Variants in ZBTB48 observed in about 807,000 individuals in gnomAD.
ZBTB48 encodes zinc finger and BTB domain-containing protein 48.
Under a neutral mutation model 64.5 loss-of-function variants are expected in ZBTB48, and 35 were observed. The ratio of observed to expected loss-of-function variants is 0.54; its 90% CI spans 0.41 to 0.72. ZBTB48 has a LOEUF of 0.72. Ranked by LOEUF, ZBTB48 falls within the 30% of genes least tolerant of loss-of-function variation. ZBTB48 has a pLI of 0.00. For synonymous variants in ZBTB48, 442 were observed against 356.7 expected (o/e 1.24, Z -2.70); for missense variants, 828 against 895.3 (o/e 0.92, Z 0.96).
At position 6,580,536 on chromosome 1, in the gene ZBTB48, T is replaced by C; in HGVS notation, c.-69-5T>C. ...CAACTTCCCGTTTCTCTCTCTTGAC[T>C]CCAGGAGCTTTCTCTTGCATACCCT... On this transcript the variant is annotated splice_polypyrimidine_tract_variant and splice_region_variant and intron_variant, in intron 1 of 10. Coordinates refer to ENST00000377674, the MANE Select transcript of ZBTB48 (RefSeq NM_005341.4). This position sits in a 1 kb window ranked among gnomAD's most constrained non-coding sequence, Gnocchi z 5.2. 1.3e-6 allele frequency: 2 copies of C among 1,484,060 alleles called. No individual in the cohort carries two copies. Among genetic ancestry groups the C allele is most frequent in the Non-Finnish European group, 1.8e-6 (2 of 1,095,610 alleles). 91.9% of individuals were successfully genotyped at this position (1,484,060 alleles called of 1,614,324 possible).
chr1:6,582,306 G>T lies in ZBTB48; in HGVS notation c.932+7G>T. The T allele has an allele frequency of 1.2e-6, 2 of 1,602,794 alleles. No individual in the cohort carries two copies. The highest frequency in any genetic ancestry group is 3.3e-4 in the Middle Eastern group (2 of 6,036). On this transcript the variant is annotated splice_region_variant and intron_variant, in intron 3 of 10. Coordinates refer to ENST00000377674, the MANE Select transcript of ZBTB48 (RefSeq NM_005341.4). ...ATCTAAAAGTCCACAACAGGTAAAC[G>T]TTCTGTTTTTCTATTTTCTTTTCCT...
rs773070430 is a variant in ZBTB48, at chr1:6,580,570, C to G, written c.-40C>G. 6.3e-7 allele frequency: 1 copy of G among 1,579,688 alleles called. No homozygotes were observed. The highest frequency in any genetic ancestry group is 1.1e-5 in the South Asian group (1 of 87,574). ...TTTCTCTTGCATACCCTCGCTTAGG[C>G]TGGCCGGGGTGTCACTTCTGCCTCC... On this transcript the variant is annotated 5_prime_UTR_variant, in exon 2 of 11. Coordinates refer to ENST00000377674, the MANE Select transcript of ZBTB48 (RefSeq NM_005341.4). The surrounding 1 kb of genome is among the most constrained non-coding windows in gnomAD (Gnocchi z 5.2).
In ZBTB48 at chr1:6,588,348, C is replaced by T; in HGVS notation, c.1587C>T (p.Arg529=). The T allele has an allele frequency of 1.2e-5, 19 of 1,606,264 alleles. No homozygotes were observed. The highest frequency in any genetic ancestry group is 1.6e-5 in the Non-Finnish European group (19 of 1,174,286). ...TCAGTTGCGAGTTCTGTGAACAGCG[C>T]TTCACTGAGAAGGGGCCCCTCCTGA... ...RPFSCEFCEQ[R]FTEKGPLLRH... Residue 529 remains arginine, a synonymous_variant, in exon 9 of 11, where the codon CGC becomes CGT. Coordinates refer to ENST00000377674, the MANE Select transcript of ZBTB48 (RefSeq NM_005341.4).
At position 6,580,384 on chromosome 1, in the gene ZBTB48, C is replaced by A. The variant is rs1389167793; in HGVS notation, c.-69-157C>A. Reference sequence around the variant, plus strand: ...ACGACCCTGGCCCCCCATCCAGCATCCCCCCTGGCCAATCCAATATGGCCC... The same window carrying A: ...ACGACCCTGGCCCCCCATCCAGCATACCCCCTGGCCAATCCAATATGGCCC... On this transcript the variant is annotated intron_variant, in intron 1 of 10. Transcript: ENST00000377674. The surrounding 1 kb of genome is among the most constrained non-coding windows in gnomAD (Gnocchi z 5.2). 6.6e-6 allele frequency among the ~76,000 whole-genome samples: 1 copy of A among 152,122 alleles called. No individual in the cohort carries two copies. Among genetic ancestry groups the A allele is most frequent in the Non-Finnish European group, 1.5e-5 (1 of 68,020 alleles).
At position 6,586,780 on chromosome 1, in the gene ZBTB48, C is replaced by G; in HGVS notation, c.1130C>G (p.Pro377Arg). ...VHMVSHTGEMPYKCSSCSQQF... is the reference protein window; with the variant it reads ...VHMVSHTGEMRYKCSSCSQQF... The stretch of plus-strand genomic sequence containing the variant: ...ATGGTGTCTCACACAGGGGAGATGC[C>G]CTACAAGGTCAGGCTTGGCCTGTCT... Residue 377 changes from proline (P) to arginine (R), a missense_variant, in exon 5 of 11, where the codon CCC (proline) becomes CGC (arginine). Coordinates refer to ENST00000377674, the MANE Select transcript of ZBTB48 (RefSeq NM_005341.4). 1 of 1,609,026 alleles carries G rather than the reference C, an allele frequency of 6.2e-7. No homozygotes were observed. Among genetic ancestry groups the G allele is most frequent in the Non-Finnish European group, 8.5e-7 (1 of 1,177,524 alleles).
chr1:6,586,573 C>A, intron 4 of ZBTB48, 122 bp from the exon 5 acceptor site: 1 of 1,373,282 alleles, frequency 7.3e-7, no homozygotes, highest in Non-Finnish European at 9.4e-7. Context: ...CTCTCCCACC[C>A]TAGCGTCCCC....
Position 6,588,392 on chromosome 1 carries a change from A to T in ZBTB48, c.1631A>T (p.His544Leu). The T allele has an allele frequency of 6.3e-7, 1 of 1,587,442 alleles. No individual in the cohort carries two copies. The highest frequency in any genetic ancestry group is 2.3e-5 in the East Asian group (1 of 44,306). The part of the protein sequence containing the change: ...GPLLRHVASR[H>L]QEGRPHFCQI... ...CTCCTGAGGCACGTGGCCAGCCGCC[A>T]TCAGGAGGGCCGGCCCCACTTCTGC... Residue 544 changes from histidine to leucine, a missense_variant, in exon 9 of 11, where the codon CAT becomes CTT. His to Leu is a moderately conservative substitution (Grantham distance 99). Transcript: ENST00000377674.
chr1:6,587,107 G>C (rs764688236), intron 5 of ZBTB48, 98 bp from the exon 6 acceptor site: 1 of 1,309,644 alleles, frequency 7.6e-7, no homozygotes, highest in South Asian at 1.2e-5. Context: ...TCATCTCACC[G>C]GGGCCTCCCT....
chr1:6,584,971 T>C lies in ZBTB48; in HGVS notation c.933-948T>C, dbSNP rs899465897. On this transcript the variant is annotated intron_variant, in intron 3 of 10. Coordinates refer to ENST00000377674, the MANE Select transcript of ZBTB48 (RefSeq NM_005341.4). The surrounding 1 kb of genome is among the most constrained non-coding windows in gnomAD (Gnocchi z 4.5). ...TTTAAGGGAACTAAACAAAGGTGCTTGTGCAGCCGACCTGCTTGCCAGGCA... is the reference window on the plus strand; with the variant it reads ...TTTAAGGGAACTAAACAAAGGTGCTCGTGCAGCCGACCTGCTTGCCAGGCA... Among the ~76,000 whole-genome samples the C allele has an allele frequency of 6.6e-6, 1 of 152,038 alleles. No homozygotes were observed. The highest frequency in any genetic ancestry group is 2.4e-5 in the African/African-American group (1 of 41,394).
Position 6,585,952 on chromosome 1 carries a change from C to T in ZBTB48, c.966C>T (p.Pro322=). ...CTGGGGAGAAACCCTTTGAGTGTCC[C>T]AAATGTGGGAAGTGTTACTTTCGGA... The part of the protein sequence containing the change: ...KHTGEKPFEC[P]KCGKCYFRKE... Residue 322 remains proline, a synonymous_variant, in exon 4 of 11, where the codon CCC becomes CCT. Coordinates refer to ENST00000377674, the MANE Select transcript of ZBTB48 (RefSeq NM_005341.4). The T allele has an allele frequency of 6.2e-7, 1 of 1,614,078 alleles. No individual in the cohort carries two copies. The highest frequency in any genetic ancestry group is 8.5e-7 in the Non-Finnish European group (1 of 1,179,978).
chr1:6,586,916 TCCC>T, intron 5 of ZBTB48, 129 bp downstream of exon 5: 1 of 1,081,416 alleles, frequency 9.2e-7, no homozygotes, highest in Non-Finnish European at 1.4e-6. Context: ...TTCCCTGCCT[TCCC>T]TGCCTTTCCA....
chr1:6,584,472 T>C lies in ZBTB48; in HGVS notation c.933-1447T>C, dbSNP rs1001155888. 6.6e-6 allele frequency among the ~76,000 whole-genome samples: 1 copy of C among 152,200 alleles called. No individual in the cohort carries two copies. The highest frequency in any genetic ancestry group is 2.1e-4 in the South Asian group (1 of 4,832). On this transcript the variant is annotated intron_variant, in intron 3 of 10. Transcript: ENST00000377674. This position sits in a 1 kb window ranked among gnomAD's most constrained non-coding sequence, Gnocchi z 4.5. ...TCCCAGCCAAGACATCACTAGTCTA[T>C]CATGGTGTGTTTTCTTGCCATGCCA...
rs36102416 is a variant in ZBTB48, at chr1:6,583,776, CTT to C, written c.932+1496_932+1497del. Among the ~76,000 whole-genome samples the C allele has an allele frequency of 3.6e-3, 306 of 85,862 alleles. 5 individuals are homozygous for C. In the Middle Eastern group the frequency reaches 0.04, roughly 11 times the overall value. 56.3% of individuals were successfully genotyped at this position (85,862 alleles called of 152,430 possible). On this transcript the variant is annotated intron_variant, in intron 3 of 10. Transcript: ENST00000377674. ...CCACTACGCCCAGCTAATTGTTTTA[CTT>C]TTTTTTTTTTTTTTTTTTGAGATGG... is the stretch of plus-strand genomic sequence containing the variant.
chr1:6,587,014 A>G, intron 5 of ZBTB48, 191 bp from the exon 6 acceptor site: 4 of 852,652 alleles, frequency 4.7e-6, no homozygotes, highest in Non-Finnish European at 7.8e-6. Context: ...CATGGAGGAC[A>G]GGCTTGGCAT....
In ZBTB48 at chr1:6,588,278, C is replaced by T; in HGVS notation, c.1517C>T (p.Ala506Val). The T allele has an allele frequency of 1.2e-6, 2 of 1,607,752 alleles. No homozygotes were observed. Among genetic ancestry groups the T allele is most frequent in the Non-Finnish European group, 1.7e-6 (2 of 1,175,330 alleles). The change falls in exon 9 of 11, where the codon GCC (alanine) becomes GTC (valine). Residue 506 changes from alanine (A) to valine (V), a missense_variant and splice_region_variant. By Grantham distance (64) the Ala-to-Val change is moderately conservative. Transcript: ENST00000377674. ...CTGAGCTCTTGCCTTGTGCCTGCAG[C>T]CAGCCTGGACAAGCACAACCGCACC... ...HLCGKTFRTQ[A>V]SLDKHNRTHT... is the part of the protein sequence containing the mutation.
At chr1:6,587,806 A>G (rs1640730486) in intron 7 of ZBTB48, among the ~76,000 whole-genome samples, 174 bp downstream of exon 7, 1 of 152,196 alleles carries the variant, frequency 6.6e-6, no homozygotes, top group Non-Finnish European at 1.5e-5. Context: ...GCAAGCAGCT[A>G]TGCCAGGCAG....
At chr1:6,585,464 G>A (rs1270685640) in intron 3 of ZBTB48, 1 of 184,944 alleles carries the variant, frequency 5.4e-6, no homozygotes, top group African/African-American at 2.3e-5. Context: ...ACTGAAACCT[G>A]TGGGGGAGGC....
rs770152210 is a variant in ZBTB48, at chr1:6,582,184, G to T, written c.817G>T (p.Ala273Ser). ...KPCAAEPALS[A>S]GSLAAEPAEN... ...CTGTGCAGCTGAGCCAGCCCTGAGCGCGGGCTCCCTAGCAGCTGAGCCTGC... is the reference window on the plus strand; with the variant it reads ...CTGTGCAGCTGAGCCAGCCCTGAGCTCGGGCTCCCTAGCAGCTGAGCCTGC... The change falls in exon 3 of 11, where the codon GCG becomes TCG. Residue 273 changes from alanine (A) to serine (S), a missense_variant. Coordinates refer to ENST00000377674, the MANE Select transcript of ZBTB48 (RefSeq NM_005341.4). 1.2e-6 allele frequency: 2 copies of T among 1,614,230 alleles called. No homozygotes were observed. The highest frequency in any genetic ancestry group is 1.1e-5 in the South Asian group (1 of 91,086).
rs371878448 is a variant in ZBTB48, at chr1:6,584,071, C to T, written c.932+1772C>T. Reference sequence around the variant, plus strand: ...TGCTGGGATTACAGGCGTGAGCCACCGTGCCCAGCCATTTTTTTACTTTTT... The same window carrying T: ...TGCTGGGATTACAGGCGTGAGCCACTGTGCCCAGCCATTTTTTTACTTTTT... On this transcript the variant is annotated intron_variant, in intron 3 of 10. Transcript: ENST00000377674. This position sits in a 1 kb window ranked among gnomAD's most constrained non-coding sequence, Gnocchi z 4.5. 2.0e-5 allele frequency among the ~76,000 whole-genome samples: 3 copies of T among 151,982 alleles called. No homozygotes were observed. The highest frequency in any genetic ancestry group is 2.1e-4 in the South Asian group (1 of 4,826).
Sources: allele counts gnomAD v4.1 joint callset (sites outside exome capture counted in the v4.1 genomes callset), GRCh38; gene constraint gnomAD v4.1.1; non-coding constraint Gnocchi (gnomAD v3.1); transcripts MANE v1.5; gene names NCBI Gene and HGNC (gene_info 2026-07-23, HGNC 2026-07-21).